The following BACE2 variants were observed in gnomAD, a reference collection of about 807,000 sequenced individuals.
The protein encoded by BACE2 is 56 kDa aspartic-like protease.
BACE2 carries 17 observed loss-of-function variants against 46.2 expected under a neutral mutation model. The observed-to-expected ratio is 0.37, with a 90% CI of 0.25 to 0.55. The LOEUF (loss-of-function observed/expected upper bound fraction) is 0.55. Ranked by LOEUF, BACE2 falls within the 20% of genes least tolerant of loss-of-function variation. BACE2 has a pLI of 0.82. For synonymous variants in BACE2, 277 were observed against 295.9 expected, an observed-to-expected ratio of 0.94 and a Z score of 0.66; for missense variants, 595 against 698.1, an observed-to-expected ratio of 0.85 and a Z score of 1.66.
chr21:41,246,286 A>G (rs1481648306), intron 6 of BACE2: 1 of 274,590 alleles, frequency 3.6e-6, no homozygotes, highest in Middle Eastern at 1.0e-3. Flanking sequence ...TGTTTCAACT[A>G]TTACTTGTTA....
At chr21:41,257,492 T>C (rs1182953378) in intron 8 of BACE2, among the ~76,000 whole-genome samples, 166 bp downstream of exon 8, 1 of 152,220 alleles carries the variant, frequency 6.6e-6, no homozygotes, top group Non-Finnish European at 1.5e-5. Context: ...ATGGGGTTGC[T>C]GAGAGAATTA....
chr21:41,243,996 G>A (rs529101262), intron 5 of BACE2, among the ~76,000 whole-genome samples: 1 of 152,326 alleles, frequency 6.6e-6, no homozygotes, highest in African/African-American at 2.4e-5. Flanking sequence ...ATAGATGTGT[G>A]TGGCTTGGTA....
chr21:41,275,415 A>G lies in BACE2; in HGVS notation c.1348A>G (p.Thr450Ala). 1 of 1,614,120 alleles carries G rather than the reference A, an allele frequency of 6.2e-7. No homozygotes were observed. Among genetic ancestry groups the G allele is most frequent in the Non-Finnish European group, 8.5e-7 (1 of 1,180,020 alleles). Residue 450 changes from threonine (T) to alanine (A), a missense_variant, in exon 9 of 9, where the codon ACA becomes GCA. Around this residue, in one of 3 missense-constraint regions of BACE2, gnomAD observed 343 missense variants for 419.4 expected, o/e 0.82. Transcript: ENST00000330333. ...AVSEISGPFS[T>A]EDVASNCVPA... Reference sequence around the variant, plus strand: ...GTCTGAAATTTCCGGGCCTTTCTCAACAGAGGATGTAGCCAGCAACTGTGT... The same window carrying G: ...GTCTGAAATTTCCGGGCCTTTCTCAGCAGAGGATGTAGCCAGCAACTGTGT...
intron 1 of BACE2, among the ~76,000 whole-genome samples, chr21:41,199,610 G>T (rs940744968): frequency 3.9e-5 from 6 of 152,250 alleles, no homozygotes; most frequent in South Asian, 2.1e-4. Context: ...AGTGGTTCAG[G>T]CTTCCTTTTC....
At chr21:41,172,246 G>A (rs1023903777) in intron 1 of BACE2, among the ~76,000 whole-genome samples, 2 of 152,240 alleles carry the variant, frequency 1.3e-5, no homozygotes, top group Non-Finnish European at 2.9e-5. Flanking sequence ...ATCAAAGACT[G>A]TATTACAGAG....
At chr21:41,228,972 A>C (rs1986898316) in intron 2 of BACE2, among the ~76,000 whole-genome samples, 1 of 152,206 alleles carries the variant, frequency 6.6e-6, no homozygotes, top group Non-Finnish European at 1.5e-5. Flanking sequence ...AGCAGATTTC[A>C]CCCATGTTGA....
chr21:41,197,266 G>GTTTT (rs57910664), intron 1 of BACE2, among the ~76,000 whole-genome samples: 2 of 144,680 alleles, frequency 1.4e-5, no homozygotes, highest in Non-Finnish European at 3.0e-5. Flanking sequence ...AGCCAGCCAG[G>GTTTT]TTTTTTTTGT....
intron 1 of BACE2, chr21:41,176,262 G>A (rs967108847): frequency 7.9e-5 from 12 of 152,208 alleles, no homozygotes; most frequent in African/African-American, 1.7e-4. Context: ...TTCAGTGACC[G>A]AGAGCAGAGC....
chr21:41,192,601 A>G (rs1411615850), intron 1 of BACE2, among the ~76,000 whole-genome samples: 2 of 152,196 alleles, frequency 1.3e-5, no homozygotes, highest in African/African-American at 2.4e-5. Context: ...AGAGGCCTCC[A>G]CTGTGATTCA....
At chr21:41,255,009 G>A (rs1032654858) in intron 7 of BACE2, among the ~76,000 whole-genome samples, 12 of 152,326 alleles carry the variant, frequency 7.9e-5, no homozygotes, top group African/African-American at 2.9e-4. Context: ...ATTTGATTCC[G>A]CTTCGGTTTC....
intron 8 of BACE2, among the ~76,000 whole-genome samples, chr21:41,272,672 A>G (rs1352766183): frequency 2.6e-5 from 4 of 152,104 alleles, no homozygotes; most frequent in Admixed American, 6.5e-5. Context: ...TCTATTTAAC[A>G]TGTTTAACAT....
chr21:41,229,427 C>T (rs1010175372), intron 2 of BACE2, among the ~76,000 whole-genome samples: 3 of 152,188 alleles, frequency 2.0e-5, no homozygotes, highest in Non-Finnish European at 4.4e-5. Context: ...TAAAGGGAAC[C>T]ATGCAAGTCA....
intron 1 of BACE2, chr21:41,180,301 TC>T: frequency 5.7e-6 from 1 of 175,716 alleles, no homozygotes; most frequent in East Asian, 1.9e-4. Flanking sequence ...GAGCCCCACT[TC>T]CAGAGTTGAG....
intron 8 of BACE2, among the ~76,000 whole-genome samples, chr21:41,264,923 G>A (rs1463108903): frequency 6.6e-6 from 1 of 152,184 alleles, no homozygotes; most frequent in Non-Finnish European, 1.5e-5. Context: ...GGTCAAGGCT[G>A]CAGAGAGCCA....
At chr21:41,232,578 G>C (rs1383750814) in intron 2 of BACE2, among the ~76,000 whole-genome samples, 1 of 152,156 alleles carries the variant, frequency 6.6e-6, no homozygotes, top group Non-Finnish European at 1.5e-5. Flanking sequence ...TCATCAAGGT[G>C]ATGAGTGAGT....
At chr21:41,231,920 A>T (rs1286022467) in intron 2 of BACE2, among the ~76,000 whole-genome samples, 1 of 152,210 alleles carries the variant, frequency 6.6e-6, no homozygotes, top group African/African-American at 2.4e-5. Flanking sequence ...CTACGCTAAT[A>T]ATAACCCCTA....
In BACE2 at chr21:41,253,310, C is replaced by T. The variant is rs140932219; in HGVS notation, c.1134+2409C>T. 5.2e-3 allele frequency among the ~76,000 whole-genome samples: 786 copies of T among 151,820 alleles called. 8 individuals are homozygous for T. Among genetic ancestry groups the T allele is most frequent in the African/African-American group, 0.017 (689 of 41,380 alleles). On this transcript the variant is annotated intron_variant, in intron 7 of 8. Transcript: ENST00000330333. Reference sequence around the variant, plus strand: ...TAAAAATATTAGCTGGGCTTGGTGGCGGGCACCTGTAATCCCAGCTACCTG... The same window carrying T: ...TAAAAATATTAGCTGGGCTTGGTGGTGGGCACCTGTAATCCCAGCTACCTG...
rs188014644 is a variant in BACE2 at position 41,211,021 on chromosome 21, C to T, written c.313-15245C>T. Among the ~76,000 whole-genome samples the T allele has an allele frequency of 1.6e-4, 24 of 152,302 alleles. 2 individuals carry two copies. The East Asian group carries it at 4.6e-3, about 29-fold the overall frequency. ...AGACTGCAGGATGGCCGCCTTGCAC[C>T]TTTATAAGAAGGTATTCTTTTCACC... On this transcript the variant is annotated intron_variant, in intron 1 of 8. Coordinates refer to ENST00000330333, the MANE Select transcript of BACE2 (RefSeq NM_012105.5).
chr21:41,168,544 T>C lies in BACE2; in HGVS notation c.281T>C (p.Leu94Pro). The stretch of plus-strand genomic sequence containing the variant: ...GGGGACTCTGGCCGCGGCTACTACC[T>C]GGAGATGCTGATCGGGACCCCCCCG... ...LQGDSGRGYY[L>P]EMLIGTPPQK... The change falls in exon 1 of 9, where the codon CTG becomes CCG. Residue 94 changes from leucine to proline, a missense_variant. Coordinates refer to ENST00000330333, the MANE Select transcript of BACE2 (RefSeq NM_012105.5). 7.5e-7 allele frequency: 1 copy of C among 1,336,316 alleles called. No homozygotes were observed. Among genetic ancestry groups the C allele is most frequent in the South Asian group, 2.5e-5 (1 of 40,320 alleles). The allele number at this position is 1,336,316 out of a possible 1,614,324, so 82.8% of individuals were successfully genotyped here. A position where few individuals can be genotyped will look rare whatever the true frequency, so the allele number is the denominator to read the frequency against.
Sources: allele counts gnomAD v4.1 joint callset (sites outside exome capture counted in the v4.1 genomes callset), GRCh38; gene constraint gnomAD v4.1.1; regional missense constraint gnomAD v4.1.1; transcripts MANE v1.5; gene names NCBI Gene and HGNC (gene_info 2026-07-23, HGNC 2026-07-21).